Variants in FBXW10 observed in about 807,000 individuals in gnomAD.
FBXW10 encodes F-box and WD repeat domain containing 10.
Under a neutral mutation model 113.1 loss-of-function variants are expected in FBXW10, and 68 were observed. The observed-to-expected ratio is 0.60, with a 90% confidence interval of 0.49 to 0.74. The LOEUF is 0.74. Ranked by LOEUF, FBXW10 falls within the 30% of genes least tolerant of loss-of-function variation. The pLI is 0.00. For missense variants in FBXW10, 753 were observed against 1,284.5 expected (o/e 0.59, Z 6.32); for synonymous variants, 289 against 481.6 (o/e 0.60, Z 5.24).
At chr17:18,775,271 C>T in intron 13 of FBXW10, 79 bp downstream of exon 13, 1 of 910,350 alleles carries the variant, frequency 1.1e-6, no homozygotes, top group Admixed American at 1.8e-5. Context: ...GCAAAATCCA[C>T]AGCAGGAGAT....
chr17:18,778,815 G>T lies in FBXW10; in HGVS notation c.2676G>T (p.Gln892His). The change falls in exon 14 of 14, where the codon CAG (glutamine) becomes CAT (histidine). Residue 892 changes from glutamine (Q) to histidine (H), a missense_variant. Transcript: ENST00000395665. ...TSIPLEIQKL[Q>H]PNLKISLHSP... ...TTCCCCTTGAAATCCAGAAACTGCA[G>T]CCCAACTTGAAGATCTCTTTGCACA... The T allele has an allele frequency of 6.2e-7, 1 of 1,613,890 alleles. No homozygotes were observed. The highest frequency in any genetic ancestry group is 1.1e-5 in the South Asian group (1 of 91,074).
chr17:18,748,336 G>A (rs1358225101), intron 2 of FBXW10, among the ~76,000 whole-genome samples: 1 of 149,514 alleles, frequency 6.7e-6, no homozygotes, highest in African/African-American at 2.5e-5. Context: ...GCGTGAAGCC[G>A]GGAGGCAGAG....
chr17:18,745,566 C>T (rs1039763986), intron 1 of FBXW10, among the ~76,000 whole-genome samples: 68 of 152,090 alleles, frequency 4.5e-4, no homozygotes, highest in Admixed American at 1.0e-3. Context: ...CAGGTGCGTG[C>T]CACCATGTCC....
Position 18,777,062 on chromosome 17 carries a change from G to GTT in FBXW10, c.2336-1397_2336-1396dup, listed in dbSNP as rs368455869. On this transcript the variant is annotated intron_variant, in intron 13 of 13. Coordinates refer to ENST00000395665, the MANE Select transcript of FBXW10 (RefSeq NM_001267585.2). ...GATTTTGACATCTTGATTTCACTCA[G>GTT]TTTTTTTTTTTTTTTTTGAGATGGA... Among the ~76,000 whole-genome samples the GTT allele has an allele frequency of 2.1e-3, 278 of 131,600 alleles. 5 individuals are homozygous for GTT. Among genetic ancestry groups the GTT allele is most frequent in the South Asian group, 4.1e-3 (17 of 4,098 alleles). 86.3% of individuals were successfully genotyped at this position (131,600 alleles called of 152,430 possible). A position where few individuals can be genotyped will look rare whatever the true frequency, so the allele number is the denominator to read the frequency against.
intron 4 of FBXW10, among the ~76,000 whole-genome samples, chr17:18,750,454 A>T (rs2035143510): frequency 1.3e-5 from 2 of 151,392 alleles, no homozygotes; most frequent in African/African-American, 4.8e-5. Flanking sequence ...ATGCAGCAAG[A>T]AAGCCATAAA....
chr17:18,766,701 C>T lies in FBXW10; in HGVS notation c.1556-13C>T, dbSNP rs774635369. 5 of 1,613,268 alleles carry T rather than the reference C, an allele frequency of 3.1e-6. No homozygotes were observed. Among genetic ancestry groups the T allele is most frequent in the Admixed American group, 1.7e-5 (1 of 59,982 alleles). Reference sequence around the variant, plus strand: ...CCCACTCCCATGTCTTCCTCTCTCTCCCTCCTGTTCAGTATGGGATGTAGA... The same window carrying T: ...CCCACTCCCATGTCTTCCTCTCTCTTCCTCCTGTTCAGTATGGGATGTAGA... On this transcript the variant is annotated splice_polypyrimidine_tract_variant and intron_variant, in intron 8 of 13. Coordinates refer to ENST00000395665, the MANE Select transcript of FBXW10 (RefSeq NM_001267585.2).
At position 18,770,099 on chromosome 17, in the gene FBXW10, G is replaced by A. The variant is rs367784732; in HGVS notation, c.2006+14G>A. The A allele has an allele frequency of 3.7e-6, 6 of 1,613,938 alleles. No individual in the cohort carries two copies. Among genetic ancestry groups the A allele is most frequent in the African/African-American group, 1.3e-5 (1 of 74,902 alleles). Reference sequence around the variant, plus strand: ...TCAGGGCAACAGGTGGGTGGTAGGTGTGGAGGTCAGAACTGTGAGTGATTC... The same window carrying A: ...TCAGGGCAACAGGTGGGTGGTAGGTATGGAGGTCAGAACTGTGAGTGATTC... On this transcript the variant is annotated intron_variant, in intron 11 of 13. Transcript: ENST00000395665.
intron 12 of FBXW10, among the ~76,000 whole-genome samples, chr17:18,772,906 G>A (rs1462172497): frequency 1.3e-5 from 2 of 151,662 alleles, no homozygotes; most frequent in Non-Finnish European, 2.9e-5. Context: ...GTTTGCAAAA[G>A]CTAGATTTTC....
At chr17:18,768,453 G>A in intron 9 of FBXW10, 81 bp from the exon 10 acceptor site, 1 of 1,566,400 alleles carries the variant, frequency 6.4e-7, no homozygotes, top group South Asian at 1.2e-5. Flanking sequence ...GGTGGCTTTG[G>A]GATTCATCTG....
intron 2 of FBXW10, among the ~76,000 whole-genome samples, chr17:18,749,418 G>A (rs912040277): frequency 4.6e-5 from 7 of 151,940 alleles, no homozygotes; most frequent in African/African-American, 1.7e-4. Context: ...GTGGTGGCGG[G>A]CTCCTGTAGT....
At chr17:18,767,533 AT>A (rs996932204) in intron 9 of FBXW10, among the ~76,000 whole-genome samples, 26 of 151,658 alleles carry the variant, frequency 1.7e-4, no homozygotes, top group African/African-American at 4.1e-4. Flanking sequence ...TGAACAGAGA[AT>A]TTTTTTTTCT....
Position 18,772,685 on chromosome 17 carries a change from T to G in FBXW10, c.2278+2T>G, listed in dbSNP as rs1454617710. ...TGAAGCCGGCCAAGTTCTCTTCAGGTAAAAAACTGAAATACCAGCAAGTTC... is the reference window on the plus strand; with the variant it reads ...TGAAGCCGGCCAAGTTCTCTTCAGGGAAAAAACTGAAATACCAGCAAGTTC... On this transcript the variant is annotated splice_donor_variant, in intron 12 of 13. Transcript: ENST00000395665. LOFTEE classifies it high-confidence loss of function. 2 of 1,605,538 alleles carry G rather than the reference T, an allele frequency of 1.2e-6. No homozygotes were observed. The highest frequency in any genetic ancestry group is 2.7e-5 in the African/African-American group (2 of 74,238).
At chr17:18,771,264 C>CT (rs1483006292) in intron 11 of FBXW10, among the ~76,000 whole-genome samples, 1 of 152,174 alleles carries the variant, frequency 6.6e-6, no homozygotes, top group Non-Finnish European at 1.5e-5. Flanking sequence ...AAACAAGTTA[C>CT]TTTTCTAGAG....
chr17:18,769,014 C>T (rs926998829), intron 10 of FBXW10, among the ~76,000 whole-genome samples: 3 of 145,060 alleles, frequency 2.1e-5, no homozygotes, highest in African/African-American at 7.7e-5. Context: ...TGGCTCACTG[C>T]AAGCTCTACC....
chr17:18,747,469 T>A (rs1205915977), intron 1 of FBXW10, among the ~76,000 whole-genome samples: 1 of 151,980 alleles, frequency 6.6e-6, no homozygotes, highest in African/African-American at 2.4e-5. Context: ...GGCAGGAGAA[T>A]CACTTGAACC....
chr17:18,749,950 C>T (rs1485944343), intron 3 of FBXW10, 28 bp downstream of exon 3: 1 of 1,613,848 alleles, frequency 6.2e-7, no homozygotes, highest in East Asian at 2.2e-5. Flanking sequence ...AGGGGATTTC[C>T]CAGACACCTC....
At chr17:18,762,972 C>T (rs1281178715) in intron 7 of FBXW10, among the ~76,000 whole-genome samples, 4 of 148,990 alleles carry the variant, frequency 2.7e-5, no homozygotes, top group Non-Finnish European at 4.4e-5. Flanking sequence ...TCTTTCAGAG[C>T]ACTGTGCCAT....
chr17:18,778,503 A>G lies in FBXW10; in HGVS notation c.2364A>G (p.Gln788=). The change falls in exon 14 of 14, where the codon CAA becomes CAG. Residue 788 remains glutamine (Q), a synonymous_variant. Coordinates refer to ENST00000395665, the MANE Select transcript of FBXW10 (RefSeq NM_001267585.2). ...ATGATGTGGAGAAAGCACAAAAACA[A>G]GGACAATTGGAAACTCCTGGAAAAC... ...DADDVEKAQK[Q]GQLETPGKLP... 2.5e-6 allele frequency: 4 copies of G among 1,613,562 alleles called. No individual in the cohort carries two copies. Among genetic ancestry groups the G allele is most frequent in the Non-Finnish European group, 3.4e-6 (4 of 1,179,650 alleles).
chr17:18,757,891 A>G (rs1431596983), intron 6 of FBXW10, among the ~76,000 whole-genome samples: 1 of 152,208 alleles, frequency 6.6e-6, no homozygotes, highest in African/African-American at 2.4e-5. Context: ...TGCTCACTGG[A>G]TATTGATTAA....
Sources: gnomAD v4.1 joint callset for allele counts (sites outside exome capture counted in the v4.1 genomes callset) on GRCh38, gnomAD v4.1.1 for gene constraint, MANE v1.5 for transcripts, NCBI Gene and HGNC (gene_info 2026-07-23, HGNC 2026-07-21) for gene names.